ADGRL3: variants seen among roughly 807,000 people sequenced by gnomAD.
ADGRL3 encodes the protein calcium-independent alpha-latrotoxin receptor 3.
ADGRL3 carries 62 observed loss-of-function variants against 153.5 expected under a neutral mutation model. The ratio of observed to expected loss-of-function variants is 0.40; its 90% CI spans 0.33 to 0.50. ADGRL3 has a LOEUF of 0.50. ADGRL3 is among the 20% of genes least tolerant of loss of function. ADGRL3 has a pLI of 0.47. For missense variants in ADGRL3, 1,641 were observed against 1,859.4 expected (o/e 0.88, Z 2.16); for synonymous variants, 710 against 672.5 (o/e 1.06, Z -0.86).
At chr4:61,334,027 T>C (rs1480392307) in intron 1 of ADGRL3, among the ~76,000 whole-genome samples, 1 of 151,880 alleles carries the variant, frequency 6.6e-6, no homozygotes. Context: ...GCAATTCTCA[T>C]GCCTTAGCCC....
At chr4:61,880,005 C>T (rs1451081612) in intron 9 of ADGRL3, among the ~76,000 whole-genome samples, 1 of 152,168 alleles carries the variant, frequency 6.6e-6, no homozygotes, top group African/African-American at 2.4e-5. Context: ...AGATTATAGG[C>T]ATGATCCACC....
chr4:61,414,059 A>G (rs952475284), intron 2 of ADGRL3, among the ~76,000 whole-genome samples: 4 of 152,200 alleles, frequency 2.6e-5, no homozygotes, highest in African/African-American at 9.6e-5. Context: ...TCTATTATTG[A>G]ATTAAACAAC....
intron 2 of ADGRL3, among the ~76,000 whole-genome samples, chr4:61,486,128 T>G (rs996441216): frequency 6.6e-6 from 1 of 152,078 alleles, no homozygotes; most frequent in Non-Finnish European, 1.5e-5. Flanking sequence ...GAATTTTTAG[T>G]AGAGACGGAG....
Position 61,570,521 on chromosome 4 carries a change from C to A in ADGRL3, c.260-16706C>A, listed in dbSNP as rs2098834234. Among the ~76,000 whole-genome samples, 5 of 152,228 alleles carry A rather than the reference C, an allele frequency of 3.3e-5. No homozygotes were observed. In the South Asian group the frequency reaches 1.0e-3, roughly 32 times the overall value. On this transcript the variant is annotated intron_variant, in intron 4 of 26. Coordinates refer to ENST00000683033, the MANE Select transcript of ADGRL3 (RefSeq NM_001387552.1). ...ATTCTTCCTAATGTGCTGCTAGAAC[C>A]AAATCAAGACTATTCTCAAAGATAT...
At chr4:61,901,252 T>C (rs17226314) in intron 11 of ADGRL3, among the ~76,000 whole-genome samples, 4,506 of 152,304 alleles carry the variant, frequency 0.03, 173 homozygotes, top group East Asian at 0.19. Context: ...TGTATACAAG[T>C]TACTGATAGA....
At chr4:61,492,996 A>C (rs1226409403) in intron 2 of ADGRL3, among the ~76,000 whole-genome samples, 1 of 152,140 alleles carries the variant, frequency 6.6e-6, no homozygotes, top group African/African-American at 2.4e-5. Flanking sequence ...GATAACCACT[A>C]AGATTTTTAT....
intron 8 of ADGRL3, among the ~76,000 whole-genome samples, chr4:61,767,207 A>G (rs973211004): frequency 1.3e-5 from 2 of 152,040 alleles, no homozygotes; most frequent in African/African-American, 2.4e-5. Context: ...AAGAGCAGCA[A>G]TGAGATATAG....
At position 62,050,839 on chromosome 4, in the gene ADGRL3, T is replaced by C. The variant is rs115501500; in HGVS notation, c.3814+6290T>C. Among the ~76,000 whole-genome samples the C allele has an allele frequency of 3.2e-3, 488 of 151,984 alleles. 1 individual carries two copies. The highest frequency in any genetic ancestry group is 5.8e-3 in the Non-Finnish European group (393 of 67,870). On this transcript the variant is annotated intron_variant, in intron 25 of 26. Transcript: ENST00000683033. ...CCTAATATAATCTGACATCTACTTA[T>C]GAAATTTGCAAAAACAGTTAATAAT...
At chr4:61,444,994 G>T (rs916560922) in intron 2 of ADGRL3, among the ~76,000 whole-genome samples, 1 of 152,004 alleles carries the variant, frequency 6.6e-6, no homozygotes, top group Non-Finnish European at 1.5e-5. Context: ...CAAGGATGCA[G>T]TGAACAATGA....
chr4:61,329,519 A>C (rs1477881964), intron 1 of ADGRL3, among the ~76,000 whole-genome samples: 1 of 152,114 alleles, frequency 6.6e-6, no homozygotes, highest in Non-Finnish European at 1.5e-5. Flanking sequence ...AAAATGATAG[A>C]TGCTCAATTA....
rs761710043 is a variant in ADGRL3 at position 61,993,290 on chromosome 4, C to CTT, written c.3237-2982_3237-2981dup. Among the ~76,000 whole-genome samples the CTT allele has an allele frequency of 2.0e-3, 140 of 69,200 alleles. 11 individuals are homozygous for CTT. Among genetic ancestry groups the CTT allele is most frequent in the Non-Finnish European group, 3.0e-3 (105 of 34,928 alleles). The allele number at this position is 69,200 out of a possible 152,430, so 45.4% of individuals were successfully genotyped here. The stretch of plus-strand genomic sequence containing the variant: ...TTCTGTTTCTTTTTTTCTTTCTTTC[C>CTT]TTTTTTTTTTTTTTTTTTTTGAGGT... On this transcript the variant is annotated intron_variant, in intron 19 of 26. Transcript: ENST00000683033.
At position 61,671,260 on chromosome 4, in the gene ADGRL3, C is replaced by T. The variant is rs555131592; in HGVS notation, c.474-5566C>T. ...TACCCACAAATGACTTTTTCATTGT[C>T]ACACTTACTTCACTTACACTGCAAT... On this transcript the variant is annotated intron_variant, in intron 5 of 26. Transcript: ENST00000683033. Among the ~76,000 whole-genome samples, 279 of 152,290 alleles carry T rather than the reference C, an allele frequency of 1.8e-3. 2 individuals carry two copies. Among genetic ancestry groups the T allele is most frequent in the African/African-American group, 6.2e-3 (259 of 41,554 alleles).
At chr4:61,457,250 G>A (rs534176187) in intron 2 of ADGRL3, among the ~76,000 whole-genome samples, 4 of 151,752 alleles carry the variant, frequency 2.6e-5, no homozygotes, top group African/African-American at 9.7e-5. Context: ...TCACATAGTC[G>A]TATTGTAGTC....
At chr4:61,751,857 A>G (rs914924642) in intron 8 of ADGRL3, among the ~76,000 whole-genome samples, 1 of 152,222 alleles carries the variant, frequency 6.6e-6, no homozygotes, top group African/African-American at 2.4e-5. Flanking sequence ...GGTGAAAAGT[A>G]GAATGAAGAA....
At chr4:61,834,970 T>C (rs559554406) in intron 9 of ADGRL3, among the ~76,000 whole-genome samples, 11 of 152,274 alleles carry the variant, frequency 7.2e-5, no homozygotes, top group African/African-American at 2.6e-4. Context: ...GCCAAGAGCA[T>C]GATTCTCTGA....
chr4:61,508,039 GT>G (rs1317311363), intron 3 of ADGRL3, among the ~76,000 whole-genome samples: 1 of 152,074 alleles, frequency 6.6e-6, no homozygotes, highest in Non-Finnish European at 1.5e-5. Flanking sequence ...GGAGGCTGGT[GT>G]TTGGAAAATC....
At chr4:61,353,176 T>A (rs2096085448) in intron 1 of ADGRL3, among the ~76,000 whole-genome samples, 1 of 152,160 alleles carries the variant, frequency 6.6e-6, no homozygotes. Context: ...AATAAGTAAA[T>A]AAATAAGTCT....
chr4:61,585,713 G>GTTA (rs1307410859), intron 4 of ADGRL3, among the ~76,000 whole-genome samples: 1 of 150,438 alleles, frequency 6.6e-6, no homozygotes, highest in Non-Finnish European at 1.5e-5. Flanking sequence ...GATTTGTTGA[G>GTTA]TTATCATAAC....
At chr4:61,711,458 TTATATATATATATA>T (rs1167827672) in intron 6 of ADGRL3, among the ~76,000 whole-genome samples, 922 of 34,688 alleles carry the variant, frequency 0.027, 69 homozygotes, top group African/African-American at 0.087. Context: ...ATATGCTTCA[TTATATATATATATA>T]TATATATATA....
Sources: gnomAD v4.1 joint callset for allele counts (sites outside exome capture counted in the v4.1 genomes callset) on GRCh38, gnomAD v4.1.1 for gene constraint, MANE v1.5 for transcripts, NCBI Gene and HGNC (gene_info 2026-07-23, HGNC 2026-07-21) for gene names.